The following SPMIP11 variants were observed in gnomAD, a reference collection of about 807,000 sequenced individuals.
SPMIP11 encodes sperm microtubule inner protein 11.
At chr12:48,771,067 A>G in the SPMIP11 span, 1 of 1,241,812 alleles carries the variant, frequency 8.1e-7, no homozygotes. The surrounding 1 kb of genome is among the most constrained non-coding windows in gnomAD (Gnocchi z 4.3). Context: ...TGCCTTCCCC[A>G]CTTCCCTGTC....
the SPMIP11 span, chr12:48,768,253 C>T: frequency 2.6e-6 from 1 of 389,852 alleles, no homozygotes; most frequent in East Asian, 5.7e-5. Context: ...GAAGGGTAGG[C>T]ATGGCAAGCT....
the SPMIP11 span, among the ~76,000 whole-genome samples, chr12:48,749,878 A>G: frequency 3.3e-5 from 5 of 151,054 alleles, no homozygotes; most frequent in Admixed American, 2.0e-4. Flanking sequence ...TTTTTAGTAG[A>G]GATGGGGTTT....
chr12:48,763,790 T>C, the SPMIP11 span, among the ~76,000 whole-genome samples: 13 of 151,836 alleles, frequency 8.6e-5, no homozygotes, highest in African/African-American at 3.1e-4. Flanking sequence ...GCAATTCTCC[T>C]GCCTCATCCT....
At chr12:48,742,917 C>T in the SPMIP11 span, among the ~76,000 whole-genome samples, 1 of 151,928 alleles carries the variant, frequency 6.6e-6, no homozygotes, top group African/African-American at 2.4e-5. Context: ...AAAAGAAAAG[C>T]CACAGCCCTT....
the SPMIP11 span, among the ~76,000 whole-genome samples, chr12:48,762,356 CT>C: frequency 4.2e-3 from 254 of 61,194 alleles, no homozygotes; most frequent in African/African-American, 0.02. Context: ...CCCCGCCCAG[CT>C]TTTTTTTTTT....
At chr12:48,733,894 C>T in the SPMIP11 span, among the ~76,000 whole-genome samples, 1 of 151,342 alleles carries the variant, frequency 6.6e-6, no homozygotes, top group Non-Finnish European at 1.5e-5. Flanking sequence ...CCTCAGCCTC[C>T]CGAGTAGCTG....
chr12:48,751,050 G>C, the SPMIP11 span, among the ~76,000 whole-genome samples: 1 of 152,048 alleles, frequency 6.6e-6, no homozygotes, highest in African/African-American at 2.4e-5. Context: ...ATATTTTTAA[G>C]TCATTCACAA....
At chr12:48,760,139 G>C in the SPMIP11 span, among the ~76,000 whole-genome samples, 1 of 151,880 alleles carries the variant, frequency 6.6e-6, no homozygotes, top group Non-Finnish European at 1.5e-5. Flanking sequence ...GAAGATGTTT[G>C]AGTCCTAGTT....
the SPMIP11 span, among the ~76,000 whole-genome samples, chr12:48,742,277 C>CTTTTTTTTTTTTTTTTTTT: frequency 6.0e-4 from 52 of 87,216 alleles, 6 homozygotes; most frequent in East Asian, 2.0e-3. Flanking sequence ...CTTTTCTTTT[C>CTTTTTTTTTTTTTTTTTTT]CTTTTTTTTT....
chr12:48,758,294 T>C, the SPMIP11 span, among the ~76,000 whole-genome samples: 1 of 152,236 alleles, frequency 6.6e-6, no homozygotes, highest in Non-Finnish European at 1.5e-5. Flanking sequence ...AATCATGCCA[T>C]AGACCTGGTC....
chr12:48,770,030 G>A, the SPMIP11 span, among the ~76,000 whole-genome samples: 6 of 151,620 alleles, frequency 4.0e-5, no homozygotes, highest in African/African-American at 1.5e-4. Context: ...CAAAGTGCTG[G>A]GATTACAGGC....
the SPMIP11 span, among the ~76,000 whole-genome samples, chr12:48,729,226 C>T: frequency 6.6e-6 from 1 of 151,892 alleles, no homozygotes; most frequent in East Asian, 1.9e-4. Context: ...ATGGTGAAAC[C>T]CCATCTCTAC....
At chr12:48,740,253 A>G in the SPMIP11 span, among the ~76,000 whole-genome samples, 1 of 152,144 alleles carries the variant, frequency 6.6e-6, no homozygotes, top group Non-Finnish European at 1.5e-5. Flanking sequence ...AAGTTAACTC[A>G]TTGTTAATTT....
At chr12:48,748,853 C>T in the SPMIP11 span, among the ~76,000 whole-genome samples, 2 of 152,180 alleles carry the variant, frequency 1.3e-5, no homozygotes, top group Non-Finnish European at 2.9e-5. Flanking sequence ...GAATGGCCCA[C>T]GCACCTATTA....
the SPMIP11 span, among the ~76,000 whole-genome samples, chr12:48,747,952 G>A: frequency 9.9e-5 from 15 of 152,142 alleles, no homozygotes; most frequent in Admixed American, 5.2e-4. Flanking sequence ...CTAGAGTGAT[G>A]AGTACCATAA....
At chr12:48,735,518 G>A in the SPMIP11 span, among the ~76,000 whole-genome samples, 3 of 152,098 alleles carry the variant, frequency 2.0e-5, no homozygotes, top group Non-Finnish European at 4.4e-5. Flanking sequence ...CCAGGAAGCA[G>A]AGGTTGCAGT....
chr12:48,765,568 T>G, the SPMIP11 span: 2 of 702,784 alleles, frequency 2.8e-6, no homozygotes, highest in East Asian at 2.7e-5. Flanking sequence ...CTCTCCAGCC[T>G]GGCCTGGCTG....
the SPMIP11 span, chr12:48,766,658 T>C: frequency 6.5e-6 from 1 of 152,760 alleles, no homozygotes; most frequent in Admixed American, 6.5e-5. Flanking sequence ...TGCATGAAGA[T>C]GCCCAAGGGA....
the SPMIP11 span, among the ~76,000 whole-genome samples, chr12:48,740,757 G>A: frequency 7.9e-5 from 12 of 151,836 alleles, no homozygotes; most frequent in Admixed American, 7.9e-4. Context: ...CATGGTGGCC[G>A]GTGCCTCTAA....
Sources: allele counts gnomAD v4.1 joint callset (sites outside exome capture counted in the v4.1 genomes callset), GRCh38; gene constraint gnomAD v4.1.1; non-coding constraint Gnocchi (gnomAD v3.1); transcripts MANE v1.5; gene names NCBI Gene and HGNC (gene_info 2026-07-23, HGNC 2026-07-21).